Variants in EMB observed in about 807,000 individuals in gnomAD.
EMB encodes embigin.
EMB carries 31 observed loss-of-function variants against 41.4 expected under a neutral mutation model. The observed-to-expected ratio is 0.75, with a 90% confidence interval of 0.56 to 1.01. The LOEUF (loss-of-function observed/expected upper bound fraction) is 1.01, where lower values mean the gene tolerates loss of function less well. Ranked by LOEUF, EMB falls within the 50% of genes least tolerant of loss-of-function variation. The probability of loss-of-function intolerance (pLI) is 0.00; values close to 1 mark genes in which losing one functional copy is unlikely to be tolerated. For missense variants in EMB, 379 were observed against 388.3 expected, an observed-to-expected ratio of 0.98 and a Z score of 0.20; for synonymous variants, 137 against 140.4, an observed-to-expected ratio of 0.98 and a Z score of 0.17.
chr5:50,421,596 G>A (rs559127163), intron 2 of EMB, among the ~76,000 whole-genome samples: 83 of 152,026 alleles, frequency 5.5e-4, no homozygotes, highest in Middle Eastern at 3.4e-3. Context: ...ACATGCACAC[G>A]TATGTTTATT....
Position 50,403,283 on chromosome 5 carries a change from A to G in EMB, c.772T>C (p.Leu258=), listed in dbSNP as rs772882929. 6.2e-7 allele frequency: 1 copy of G among 1,612,842 alleles called. No homozygotes were observed. The highest frequency in any genetic ancestry group is 1.1e-5 in the South Asian group (1 of 91,050). ...ACAAGAAATGGTTTGAGGGGCACCA[A>G]ATAGCTCAGCACCACAAGCTCAATG... ...EHIELVVLSY[L]VPLKPFLVIV... is the part of the protein sequence containing the mutation. Residue 258 remains leucine, a synonymous_variant, in exon 6 of 9, where the codon TTG becomes CTG. Transcript: ENST00000303221.
chr5:50,412,428 G>A (rs1745356024), intron 2 of EMB, among the ~76,000 whole-genome samples: 1 of 152,060 alleles, frequency 6.6e-6, no homozygotes, highest in African/African-American at 2.4e-5. Flanking sequence ...CCCCTCCCTA[G>A]GAGCAATAGG....
rs752747919 is a variant in EMB at position 50,399,227 on chromosome 5, C to T, written c.*46G>A. 24 of 1,599,208 alleles carry T rather than the reference C, an allele frequency of 1.5e-5. No individual in the cohort carries two copies. In the East Asian group the frequency reaches 2.7e-4, roughly 18 times the overall value. On this transcript the variant is annotated 3_prime_UTR_variant, in exon 9 of 9. Coordinates refer to ENST00000303221, the MANE Select transcript of EMB (RefSeq NM_198449.3). ...AGGAAGGATAAACAAAGCTGAAATA[C>T]GAACTCTGTATATCTTCCAATGATT...
chr5:50,412,249 C>A (rs1745351593), intron 2 of EMB, among the ~76,000 whole-genome samples: 2 of 115,186 alleles, frequency 1.7e-5, no homozygotes, highest in Non-Finnish European at 3.7e-5. Flanking sequence ...ACCACACACA[C>A]ACACACAGAC....
rs777657239 is a variant in EMB at position 50,398,694 on chromosome 5, A to G, written c.*579T>C. The G allele has an allele frequency of 2.6e-5, 4 of 152,050 alleles. No homozygotes were observed. The highest frequency in any genetic ancestry group is 5.9e-5 in the Non-Finnish European group (4 of 67,976). 9.4% of individuals were successfully genotyped at this position (152,050 alleles called of 1,614,324 possible). On this transcript the variant is annotated 3_prime_UTR_variant, in exon 9 of 9. Transcript: ENST00000303221. The stretch of plus-strand genomic sequence containing the variant: ...AGTTTTATTTATTTGCCTTAAACCA[A>G]TATTTCCGGATAAAAGGTATATTTT...
At chr5:50,401,501 C>T (rs1241411074) in intron 7 of EMB, among the ~76,000 whole-genome samples, 1 of 151,960 alleles carries the variant, frequency 6.6e-6, no homozygotes, top group Non-Finnish European at 1.5e-5. Context: ...TTCCTGGACT[C>T]CAGCCCTTGG....
rs1463798049 is a variant in EMB, at chr5:50,398,235, C to T, written c.*1038G>A. On this transcript the variant is annotated 3_prime_UTR_variant, in exon 9 of 9. Coordinates refer to ENST00000303221, the MANE Select transcript of EMB (RefSeq NM_198449.3). ...ATTCAGATTTTATAAGATTTGATTA[C>T]AGTGAGTTTATAAAATATTTCAGTT... is the stretch of plus-strand genomic sequence containing the variant. 1.3e-5 allele frequency: 2 copies of T among 151,548 alleles called. No individual in the cohort carries two copies. The highest frequency in any genetic ancestry group is 2.9e-5 in the Non-Finnish European group (2 of 67,896). The allele number at this position is 151,548 out of a possible 1,614,324, so 9.4% of individuals were successfully genotyped here. A position where few individuals can be genotyped will look rare whatever the true frequency, so the allele number is the denominator to read the frequency against.
intron 1 of EMB, among the ~76,000 whole-genome samples, chr5:50,430,010 C>CAT (rs1375406335): frequency 4.6e-5 from 7 of 151,116 alleles, no homozygotes; most frequent in African/African-American, 1.2e-4. Context: ...CTCTCTCACA[C>CAT]ACACACACAC....
intron 8 of EMB, 136 bp from the exon 9 acceptor site, chr5:50,399,426 T>C: frequency 7.8e-7 from 1 of 1,277,784 alleles, no homozygotes; most frequent in Non-Finnish European, 1.0e-6. Flanking sequence ...GCTCCTACTC[T>C]AATGTTGATG....
chr5:50,422,716 TTAA>T (rs1745544528), intron 2 of EMB, among the ~76,000 whole-genome samples: 4 of 151,124 alleles, frequency 2.6e-5, no homozygotes, highest in Non-Finnish European at 4.4e-5. Context: ...ACATAAAAGT[TTAA>T]AGTTTAAAGT....
At chr5:50,414,315 A>C (rs557308787) in intron 2 of EMB, among the ~76,000 whole-genome samples, 2 of 152,094 alleles carry the variant, frequency 1.3e-5, no homozygotes, top group South Asian at 4.1e-4. Flanking sequence ...GCTTGAGCAC[A>C]GGCATTCCAG....
At chr5:50,438,624 TC>T (rs997666084) in intron 1 of EMB, among the ~76,000 whole-genome samples, 1 of 152,150 alleles carries the variant, frequency 6.6e-6, no homozygotes, top group African/African-American at 2.4e-5. Flanking sequence ...GTCAAAAATA[TC>T]CAGTAAACCT....
chr5:50,426,319 C>T (rs1745609670), intron 2 of EMB, among the ~76,000 whole-genome samples: 1 of 152,186 alleles, frequency 6.6e-6, no homozygotes, highest in Non-Finnish European at 1.5e-5. Flanking sequence ...TAGTACCCAC[C>T]TCATTGAGCT....
chr5:50,409,337 T>C (rs1429345628), intron 4 of EMB, among the ~76,000 whole-genome samples: 1 of 152,106 alleles, frequency 6.6e-6, no homozygotes, highest in Non-Finnish European at 1.5e-5. Context: ...ATCTTCAATA[T>C]TGAAAGCAGG....
At chr5:50,435,707 G>A (rs1579745807) in intron 1 of EMB, among the ~76,000 whole-genome samples, 1 of 152,078 alleles carries the variant, frequency 6.6e-6, no homozygotes, top group Non-Finnish European at 1.5e-5. Flanking sequence ...CTTGATATTA[G>A]TAAGCATATT....
chr5:50,439,318 CTTTCTTTTTT>C (rs950630641), intron 1 of EMB, among the ~76,000 whole-genome samples: 5 of 151,438 alleles, frequency 3.3e-5, no homozygotes, highest in Admixed American at 2.6e-4. Flanking sequence ...GTTTCTTTTT[CTTTCTTTTTT>C]TTTGAGACAG....
rs1579724106 is a variant in EMB, at chr5:50,408,303, A to G, written c.473-2451T>C. Among the ~76,000 whole-genome samples the G allele has an allele frequency of 2.0e-5, 3 of 151,988 alleles. No individual in the cohort carries two copies. The South Asian group carries it at 6.2e-4, about 32-fold the overall frequency. ...AGCAACCACTCAGAATATTTGATCC[A>G]CTACTGAGAAACACTATAGACCATC... is the stretch of plus-strand genomic sequence containing the variant. On this transcript the variant is annotated intron_variant, in intron 4 of 8. Coordinates refer to ENST00000303221, the MANE Select transcript of EMB (RefSeq NM_198449.3).
intron 2 of EMB, among the ~76,000 whole-genome samples, chr5:50,423,919 A>G (rs1214915240): frequency 6.6e-6 from 1 of 152,220 alleles, no homozygotes; most frequent in Non-Finnish European, 1.5e-5. Flanking sequence ...CTTTAAAAGA[A>G]ATAAGCCAAC....
chr5:50,438,976 T>A (rs1745851479), intron 1 of EMB, among the ~76,000 whole-genome samples: 1 of 151,786 alleles, frequency 6.6e-6, no homozygotes, highest in Non-Finnish European at 1.5e-5. Flanking sequence ...AATAAGTATT[T>A]ACCTAACAGT....
Sources: gnomAD v4.1 joint callset for allele counts (sites outside exome capture counted in the v4.1 genomes callset) on GRCh38, gnomAD v4.1.1 for gene constraint, MANE v1.5 for transcripts, NCBI Gene and HGNC (gene_info 2026-07-23, HGNC 2026-07-21) for gene names.